The following THAP2 variants were observed in gnomAD, a reference collection of about 807,000 sequenced individuals.
THAP2 encodes THAP domain-containing protein 2.
In THAP2, 16 loss-of-function variants were observed where a neutral mutation model predicts 18.8. That is an observed-to-expected ratio of 0.85 (90% CI 0.58 to 1.29). The LOEUF is 1.29. Ranked by LOEUF, THAP2 falls within the 50% of genes most tolerant of loss-of-function variation. The pLI, the probability that THAP2 is intolerant of heterozygous loss-of-function variation, is 0.00. For synonymous variants in THAP2, 80 were observed against 89.2 expected, an observed-to-expected ratio of 0.90 and a Z score of 0.58; for missense variants, 251 against 265.3, an observed-to-expected ratio of 0.95 and a Z score of 0.38.
In THAP2 at chr12:71,679,282, C is replaced by T. The variant is rs1487784926; in HGVS notation, c.*2174C>T. On this transcript the variant is annotated 3_prime_UTR_variant, in exon 3 of 3. Transcript: ENST00000308086. ...TACTACTCAATAATTTTAGAGTAAA[C>T]TTTTCTGTGTTTTCTCCGTGATTTT... The T allele has an allele frequency of 6.6e-6, 1 of 152,106 alleles. No homozygotes were observed. The highest frequency in any genetic ancestry group is 2.4e-5 in the African/African-American group (1 of 41,436). The allele number at this position is 152,106 out of a possible 1,614,324, so 9.4% of individuals were successfully genotyped here.
At chr12:71,671,640 T>C (rs761284653) in intron 1 of THAP2, among the ~76,000 whole-genome samples, 3 of 152,230 alleles carry the variant, frequency 2.0e-5, no homozygotes, top group Non-Finnish European at 4.4e-5. Flanking sequence ...TTCACCACTT[T>C]TTCTGTAACA....
intron 2 of THAP2, among the ~76,000 whole-genome samples, chr12:71,674,793 G>A (rs542934324): frequency 1.3e-5 from 2 of 152,072 alleles, no homozygotes; most frequent in Non-Finnish European, 2.9e-5. Context: ...TTCAGAGGGA[G>A]GCAGGCATGA....
chr12:71,675,799 G>A (rs1881510495), intron 2 of THAP2, among the ~76,000 whole-genome samples: 1 of 152,032 alleles, frequency 6.6e-6, no homozygotes, highest in Non-Finnish European at 1.5e-5. Flanking sequence ...TTTTCCTTTA[G>A]ATAATAGATA....
intron 2 of THAP2, 98 bp downstream of exon 2, chr12:71,674,496 C>A: frequency 8.1e-7 from 1 of 1,236,372 alleles, no homozygotes; most frequent in Non-Finnish European, 1.1e-6. Flanking sequence ...AGTGATATGC[C>A]TCAAAAAAGT....
Position 71,678,141 on chromosome 12 carries a change from T to C in THAP2, c.*1033T>C, listed in dbSNP as rs1041381737. ...TCAGCTTGCTTTTTATCTCCTTTTT[T>C]AGTGAGTGAAATAGAGCAACTAGCA... On this transcript the variant is annotated 3_prime_UTR_variant, in exon 3 of 3. Transcript: ENST00000308086. 6.6e-6 allele frequency: 1 copy of C among 152,152 alleles called. No individual in the cohort carries two copies. Among genetic ancestry groups the C allele is most frequent in the Non-Finnish European group, 1.5e-5 (1 of 68,012 alleles). 9.4% of individuals were successfully genotyped at this position (152,152 alleles called of 1,614,324 possible). A position where few individuals can be genotyped will look rare whatever the true frequency, so the allele number is the denominator to read the frequency against.
At chr12:71,665,059 G>A (rs1881308776) in intron 1 of THAP2, 1 of 687,930 alleles carries the variant, frequency 1.5e-6, no homozygotes, top group Non-Finnish European at 2.6e-6. Context: ...TGATAGCCAT[G>A]GAATTAAGCG....
intron 1 of THAP2, among the ~76,000 whole-genome samples, chr12:71,672,122 T>C (rs1336419540): frequency 6.6e-6 from 1 of 152,192 alleles, no homozygotes; most frequent in African/African-American, 2.4e-5. Flanking sequence ...CCTTCTTGCC[T>C]TAAGTCTTGA....
rs1310452364 is a variant in THAP2, at chr12:71,679,737, T to C, written c.*2629T>C. 6.6e-6 allele frequency: 1 copy of C among 152,202 alleles called. No homozygotes were observed. Among genetic ancestry groups the C allele is most frequent in the Admixed American group, 6.5e-5 (1 of 15,276 alleles). 9.4% of individuals were successfully genotyped at this position (152,202 alleles called of 1,614,324 possible). A position where few individuals can be genotyped will look rare whatever the true frequency, so the allele number is the denominator to read the frequency against. The stretch of plus-strand genomic sequence containing the variant: ...AAGTCCTTTGGTAAATGCTGTTGAA[T>C]TGGAATTCAGTAAGAACTATAAACT... On this transcript the variant is annotated 3_prime_UTR_variant, in exon 3 of 3. Transcript: ENST00000308086.
intron 1 of THAP2, chr12:71,667,563 C>T (rs1289842266): frequency 6.6e-6 from 1 of 152,106 alleles, no homozygotes; most frequent in Non-Finnish European, 1.5e-5. Context: ...GAAGATCTAC[C>T]CATCTGGAAA....
At chr12:71,668,299 A>C (rs917019462) in intron 1 of THAP2, among the ~76,000 whole-genome samples, 1 of 152,174 alleles carries the variant, frequency 6.6e-6, no homozygotes, top group African/African-American at 2.4e-5. Flanking sequence ...CCCTGTACTT[A>C]TGCTTTTATA....
intron 1 of THAP2, among the ~76,000 whole-genome samples, chr12:71,666,343 C>CTACAAAAAAA (rs1403796567): frequency 6.6e-6 from 1 of 151,930 alleles, no homozygotes; most frequent in South Asian, 2.1e-4. Flanking sequence ...AACCTCGTCT[C>CTACAAAAAAA]TACAAAAAAA....
In THAP2 at chr12:71,673,073, T is replaced by C. The variant is rs142382951; in HGVS notation, c.72-1130T>C. On this transcript the variant is annotated intron_variant, in intron 1 of 2. Transcript: ENST00000308086. ...AGTTGGTTTTATGCAGTTATTATTATACTGCATCTTTGCATTTGTTTACAT... is the reference window on the plus strand; with the variant it reads ...AGTTGGTTTTATGCAGTTATTATTACACTGCATCTTTGCATTTGTTTACAT... 2.3e-4 allele frequency among the ~76,000 whole-genome samples: 35 copies of C among 152,272 alleles called. No homozygotes were observed. In the East Asian group the frequency reaches 6.5e-3, roughly 28 times the overall value.
At position 71,676,979 on chromosome 12, in the gene THAP2, A is replaced by C. The variant is rs1419806014; in HGVS notation, c.558A>C (p.Thr186=). ...LEANSVLPKG[T]SEHMLPTALS... ...CAAATAGTGTATTACCTAAAGGTAC[A>C]TCAGAACACATGTTACCAACTGCCT... Residue 186 remains threonine (T), a synonymous_variant, in exon 3 of 3, where the codon ACA becomes ACC. Coordinates refer to ENST00000308086, the MANE Select transcript of THAP2 (RefSeq NM_031435.4). 6.2e-7 allele frequency: 1 copy of C among 1,613,766 alleles called. No individual in the cohort carries two copies. The highest frequency in any genetic ancestry group is 8.5e-7 in the Non-Finnish European group (1 of 1,179,706).
Position 71,674,317 on chromosome 12 carries a change from T to C in THAP2, c.186T>C (p.Phe62=), listed in dbSNP as rs778116412. ...LCSKHFEASC[F]DLTGQTRRLK... is the part of the protein sequence containing the mutation. ...CAAAGCACTTTGAAGCCTCCTGTTT[T>C]GACCTAACAGGACAAACTCGACGAC... The change falls in exon 2 of 3, where the codon TTT becomes TTC. Residue 62 remains phenylalanine (F), a synonymous_variant. Coordinates refer to ENST00000308086, the MANE Select transcript of THAP2 (RefSeq NM_031435.4). The C allele has an allele frequency of 1.9e-6, 3 of 1,613,368 alleles. No individual in the cohort carries two copies. Among genetic ancestry groups the C allele is most frequent in the Non-Finnish European group, 2.5e-6 (3 of 1,179,570 alleles).
chr12:71,672,882 G>A (rs748408684), intron 1 of THAP2, among the ~76,000 whole-genome samples: 3 of 152,048 alleles, frequency 2.0e-5, no homozygotes, highest in Non-Finnish European at 4.4e-5. Context: ...CGAGAACTGC[G>A]AGAGATCACT....
intron 1 of THAP2, among the ~76,000 whole-genome samples, chr12:71,666,388 C>G (rs1021869965): frequency 6.6e-6 from 1 of 152,112 alleles, no homozygotes; most frequent in Non-Finnish European, 1.5e-5. Context: ...TGACGCATGC[C>G]TGTAGTCCCA....
intron 1 of THAP2, among the ~76,000 whole-genome samples, chr12:71,665,909 T>C (rs2137575308): frequency 6.6e-6 from 1 of 152,338 alleles, no homozygotes; most frequent in East Asian, 1.9e-4. Flanking sequence ...AAGGAACTTA[T>C]TACAGAATAT....
At chr12:71,673,029 G>T (rs1881467082) in intron 1 of THAP2, among the ~76,000 whole-genome samples, 1 of 152,116 alleles carries the variant, frequency 6.6e-6, no homozygotes, top group South Asian at 2.1e-4. Flanking sequence ...AATTATTACA[G>T]TAGTACAGTA....
At position 71,664,419 on chromosome 12, in the gene THAP2, C is replaced by T; in HGVS notation, c.-91C>T. On this transcript the variant is annotated 5_prime_UTR_variant, in exon 1 of 3. Transcript: ENST00000308086. ...CTAAGCTCTCACGATTAAGGCACGC[C>T]TGCCTCGATTGTCCAGCCTCTGCCA... The T allele has an allele frequency of 6.6e-7, 1 of 1,520,656 alleles. No homozygotes were observed. Among genetic ancestry groups the T allele is most frequent in the Non-Finnish European group, 9.1e-7 (1 of 1,096,904 alleles). The allele number at this position is 1,520,656 out of a possible 1,614,324, so 94.2% of individuals were successfully genotyped here.
Sources: allele counts gnomAD v4.1 joint callset (sites outside exome capture counted in the v4.1 genomes callset), GRCh38; gene constraint gnomAD v4.1.1; transcripts MANE v1.5; gene names NCBI Gene and HGNC (gene_info 2026-07-23, HGNC 2026-07-21).